The following MET variants were observed in gnomAD, a reference collection of about 807,000 sequenced individuals.
The protein encoded by MET is hepatocyte growth factor receptor.
A neutral mutation model predicts 133.1 loss-of-function variants in MET; 48 were observed. The observed-to-expected ratio is 0.36, with a 90% confidence interval of 0.29 to 0.46. The LOEUF (loss-of-function observed/expected upper bound fraction) is 0.46. MET is among the 20% of genes least tolerant of loss of function. The pLI, the probability that MET is intolerant of heterozygous loss-of-function variation, is 1.00. For missense variants in MET, 1,442 were observed against 1,695.9 expected (o/e 0.85, Z 2.63); for synonymous variants, 628 against 616.5 (o/e 1.02, Z -0.28).
intron 2 of MET, among the ~76,000 whole-genome samples, chr7:116,701,558 C>G (rs1562885456): frequency 6.6e-6 from 1 of 152,066 alleles, no homozygotes; most frequent in Non-Finnish European, 1.5e-5. Context: ...GAACTAAAAA[C>G]AAAACTTCCT....
Position 116,672,233 on chromosome 7 carries a change from T to C in MET, c.-359T>C, listed in dbSNP as rs1584840227. Among the ~76,000 whole-genome samples the C allele has an allele frequency of 6.6e-6, 1 of 151,806 alleles. No homozygotes were observed. The highest frequency in any genetic ancestry group is 1.9e-4 in the East Asian group (1 of 5,146). ...GGGCGGGCAGGCGAGCGCCTCAGTC[T>C]GGTCGCCTGGCGGTGCCTCCGGCCC... On this transcript the variant is annotated 5_prime_UTR_variant, in exon 1 of 21. Transcript: ENST00000397752.
In MET at chr7:116,783,279, G is replaced by T. The variant is rs1345802169; in HGVS notation, c.3633-25G>T. On this transcript the variant is annotated intron_variant, in intron 18 of 20. Coordinates refer to ENST00000397752, the MANE Select transcript of MET (RefSeq NM_000245.4). ...GTAAATTATTCTATTTCAGCCACGG[G>T]TAATAATTTTTGTCCTTTCTGTAGG... The T allele has an allele frequency of 4.3e-6, 7 of 1,613,776 alleles. No homozygotes were observed. In the South Asian group the frequency reaches 7.7e-5, roughly 18 times the overall value.
intron 3 of MET, among the ~76,000 whole-genome samples, chr7:116,738,869 A>T (rs1793339625): frequency 6.6e-6 from 1 of 152,226 alleles, no homozygotes. Flanking sequence ...TACGAATGAG[A>T]AAGCTGAGGT....
At position 116,798,111 on chromosome 7, in the gene MET, C is replaced by T. The variant is rs76322625; in HGVS notation, c.*1987C>T. 774 of 220,664 alleles carry T rather than the reference C, an allele frequency of 3.5e-3. 5 individuals carry two copies. The highest frequency in any genetic ancestry group is 0.016 in the African/African-American group (694 of 44,696). 13.7% of individuals were successfully genotyped at this position (220,664 alleles called of 1,614,324 possible). The stretch of plus-strand genomic sequence containing the variant: ...TCTCTACCAGGGTCAAGAGCATGAA[C>T]GCATCAATAGAAAGAACTCGGGGAA... On this transcript the variant is annotated 3_prime_UTR_variant, in exon 21 of 21. Coordinates refer to ENST00000397752, the MANE Select transcript of MET (RefSeq NM_000245.4).
intron 1 of MET, among the ~76,000 whole-genome samples, chr7:116,685,838 TCTC>T (rs543229800): frequency 6.6e-6 from 1 of 152,062 alleles, no homozygotes; most frequent in South Asian, 2.1e-4. Flanking sequence ...CTTGGCATAT[TCTC>T]CTTTTTTTCT....
chr7:116,682,173 C>G (rs2116482780), intron 1 of MET, among the ~76,000 whole-genome samples: 1 of 152,246 alleles, frequency 6.6e-6, no homozygotes, highest in East Asian at 1.9e-4. Flanking sequence ...CAGAAAAGTG[C>G]AGATAAAATC....
intron 3 of MET, 147 bp from the exon 4 acceptor site, chr7:116,739,803 G>C: frequency 9.0e-7 from 1 of 1,114,710 alleles, no homozygotes; most frequent in Non-Finnish European, 1.3e-6. Flanking sequence ...ATGACATATT[G>C]ATTTACAATG....
intron 1 of MET, among the ~76,000 whole-genome samples, chr7:116,676,181 G>A (rs138302919): frequency 3.3e-5 from 5 of 152,276 alleles, no homozygotes; most frequent in African/African-American, 9.6e-5. Flanking sequence ...ATAAATGTGT[G>A]CAAGTATGTT....
At chr7:116,768,851 A>G (rs1794728763) in intron 11 of MET, among the ~76,000 whole-genome samples, 1 of 152,210 alleles carries the variant, frequency 6.6e-6, no homozygotes, top group Admixed American at 6.5e-5. Context: ...AAGGCTAATT[A>G]TTGGTTTCTC....
intron 1 of MET, among the ~76,000 whole-genome samples, chr7:116,684,892 G>A (rs1272587756): frequency 1.3e-5 from 2 of 152,202 alleles, no homozygotes; most frequent in Non-Finnish European, 2.9e-5. Context: ...AGATGATCAG[G>A]GTGAGAATGG....
rs529035673 is a variant in MET, at chr7:116,682,802, G to A, written c.-15+10225G>A. 1.4e-4 allele frequency among the ~76,000 whole-genome samples: 22 copies of A among 152,308 alleles called. No individual in the cohort carries two copies. The South Asian group carries it at 3.3e-3, about 23-fold the overall frequency. On this transcript the variant is annotated intron_variant, in intron 1 of 20. Transcript: ENST00000397752. ...AATTTTTCGCCATGCCCACTGCAGT[G>A]ATTCCAAACTCTCACCATTTCTTAA... is the stretch of plus-strand genomic sequence containing the variant.
chr7:116,678,487 G>A (rs1389142138), intron 1 of MET, among the ~76,000 whole-genome samples: 1 of 152,006 alleles, frequency 6.6e-6, no homozygotes, highest in East Asian at 1.9e-4. Flanking sequence ...GACCGTGGAA[G>A]ATTTCTAATT....
chr7:116,760,733 T>A (rs978351908), intron 10 of MET, among the ~76,000 whole-genome samples: 2 of 152,154 alleles, frequency 1.3e-5, no homozygotes, highest in African/African-American at 4.8e-5. Flanking sequence ...CAAATAAGAT[T>A]TTTCTTGGCC....
In MET at chr7:116,690,674, A is replaced by C. The variant is rs183610924; in HGVS notation, c.-14-8397A>C. Among the ~76,000 whole-genome samples, 8 of 152,384 alleles carry C rather than the reference A, an allele frequency of 5.2e-5. No individual in the cohort carries two copies. The South Asian group carries it at 8.3e-4, about 16-fold the overall frequency. The stretch of plus-strand genomic sequence containing the variant: ...GGCATAAGAATCAAGCATTCAACTA[A>C]GCATGTTTACAAATTTGCTTTCAGC... On this transcript the variant is annotated intron_variant, in intron 1 of 20. Coordinates refer to ENST00000397752, the MANE Select transcript of MET (RefSeq NM_000245.4).
rs2073560 is a variant in MET, at chr7:116,783,107, G to A, written c.3633-197G>A. Among the ~76,000 whole-genome samples, 22,092 of 152,128 alleles carry A rather than the reference G, an allele frequency of 0.15. 2,007 individuals carry two copies. Among genetic ancestry groups the A allele is most frequent in the East Asian group, 0.28 (1,472 of 5,190 alleles). ...ATCTCTTTCCTCAGCCTGTTGAATTGGCAATGTCAATGTCAAGCATTTTTA... is the reference window on the plus strand; with the variant it reads ...ATCTCTTTCCTCAGCCTGTTGAATTAGCAATGTCAATGTCAAGCATTTTTA... On this transcript the variant is annotated intron_variant, in intron 18 of 20. Transcript: ENST00000397752.
chr7:116,758,615 T>C lies in MET; in HGVS notation c.2259T>C (p.Phe753=), dbSNP rs2116932790. The C allele has an allele frequency of 6.2e-7, 1 of 1,613,520 alleles. No homozygotes were observed. Among genetic ancestry groups the C allele is most frequent in the South Asian group, 1.1e-5 (1 of 91,076 alleles). The change falls in exon 9 of 21, where the codon TTT becomes TTC. Residue 753 remains phenylalanine (F), a synonymous_variant. Coordinates refer to ENST00000397752, the MANE Select transcript of MET (RefSeq NM_000245.4). The part of the protein sequence containing the change: ...IVYEIHPTKS[F]ISGGSTITGV... ...ATGAAATTCATCCAACCAAATCTTT[T>C]ATTAGGTAAGTAGAAGCTTCTGATG...
intron 2 of MET, among the ~76,000 whole-genome samples, chr7:116,703,543 A>G (rs1378154283): frequency 6.6e-6 from 1 of 152,160 alleles, no homozygotes; most frequent in Non-Finnish European, 1.5e-5. Context: ...GCCCATATGT[A>G]GGGAGAAAAA....
In MET at chr7:116,755,041, A is replaced by AAAGG. The variant is rs879471092; in HGVS notation, c.1702-312_1702-311insGGAA. Among the ~76,000 whole-genome samples, 27 of 37,398 alleles carry AAAGG rather than the reference A, an allele frequency of 7.2e-4. No individual in the cohort carries two copies. In the East Asian group the frequency reaches 0.022, roughly 30 times the overall value. The allele number at this position is 37,398 out of a possible 152,430, so 24.5% of individuals were successfully genotyped here. On this transcript the variant is annotated intron_variant, in intron 5 of 20. Coordinates refer to ENST00000397752, the MANE Select transcript of MET (RefSeq NM_000245.4). ...GAAAGAAAGAAAGAAAGAAAGAAAG[A>AAAGG]AAAGAAAGAAAGAACGGAAGGACTC...
intron 5 of MET, among the ~76,000 whole-genome samples, chr7:116,753,779 T>A (rs565421203): frequency 2.0e-5 from 3 of 152,170 alleles, no homozygotes; most frequent in African/African-American, 7.2e-5. Context: ...GTGTGTCAAC[T>A]AACCAGCCTG....
Sources: gnomAD v4.1 joint callset for allele counts (sites outside exome capture counted in the v4.1 genomes callset) on GRCh38, gnomAD v4.1.1 for gene constraint, MANE v1.5 for transcripts, NCBI Gene and HGNC (gene_info 2026-07-23, HGNC 2026-07-21) for gene names.